The following NFX1 variants were observed in gnomAD, a reference collection of about 807,000 sequenced individuals.
NFX1 encodes transcriptional repressor NF-X1.
In NFX1, 69 loss-of-function variants were observed where a neutral mutation model predicts 137.2. The observed-to-expected ratio is 0.50, with a 90% CI of 0.41 to 0.61. NFX1 has a LOEUF of 0.61. Among genes scored for constraint, NFX1 ranks in the 20% least tolerant of loss-of-function variants. The pLI, the probability that NFX1 is intolerant of heterozygous loss-of-function variation, is 0.00. For missense variants in NFX1, 1,167 were observed against 1,391.0 expected (o/e 0.84, Z 2.56); for synonymous variants, 495 against 474.1 (o/e 1.04, Z -0.57).
intron 7 of NFX1, among the ~76,000 whole-genome samples, chr9:33,314,207 C>T (rs550439491): frequency 6.6e-6 from 1 of 151,970 alleles, no homozygotes; most frequent in Non-Finnish European, 1.5e-5. Context: ...TGGTCTTGAA[C>T]TCCTGACCTC....
At chr9:33,310,400 G>C (rs1287611491) in intron 5 of NFX1, among the ~76,000 whole-genome samples, 1 of 152,144 alleles carries the variant, frequency 6.6e-6, no homozygotes, top group Non-Finnish European at 1.5e-5. Flanking sequence ...CAAAGTGTCT[G>C]CTTTGAAGAG....
At chr9:33,369,299 G>A (rs749254397) in intron 23 of NFX1, among the ~76,000 whole-genome samples, 1 of 152,120 alleles carries the variant, frequency 6.6e-6, no homozygotes, top group Non-Finnish European at 1.5e-5. Flanking sequence ...TCCTGACCTC[G>A]TGATCCGTCC....
intron 7 of NFX1, 38 bp from the exon 8 acceptor site, chr9:33,318,693 T>C: frequency 6.4e-7 from 1 of 1,559,658 alleles, no homozygotes; most frequent in South Asian, 1.1e-5. Context: ...AACCCATACA[T>C]GTTACTAACG....
At chr9:33,368,646 T>G (rs1824238186) in intron 23 of NFX1, among the ~76,000 whole-genome samples, 1 of 152,166 alleles carries the variant, frequency 6.6e-6, no homozygotes. Flanking sequence ...GGCTAAAAGT[T>G]ACTTCAAAGC....
At chr9:33,368,771 G>A (rs1268233630) in intron 23 of NFX1, among the ~76,000 whole-genome samples, 1 of 152,206 alleles carries the variant, frequency 6.6e-6, no homozygotes, top group African/African-American at 2.4e-5. Flanking sequence ...CAGTTCACAA[G>A]GTCACCATGA....
rs1821784686 is a variant in NFX1, at chr9:33,307,203, A to G, written c.1280A>G (p.Lys427Arg). 1.2e-6 allele frequency: 2 copies of G among 1,614,104 alleles called. No individual in the cohort carries two copies. The highest frequency in any genetic ancestry group is 1.7e-5 in the Admixed American group (1 of 60,018). The change falls in exon 5 of 24, where the codon AAG becomes AGG. Residue 427 changes from lysine (K) to arginine (R), a missense_variant. Transcript: ENST00000379540. The part of the protein sequence containing the change: ...NTYTCFCGKV[K>R]NPEWSRNEIP... ...ATCTGATATGTTCTAGGCAAGGTAA[A>G]GAATCCTGAGTGGAGCAGAAATGAA...
intron 9 of NFX1, among the ~76,000 whole-genome samples, chr9:33,327,080 CAAAA>C (rs145308790): frequency 1.3e-5 from 2 of 152,004 alleles, no homozygotes; most frequent in East Asian, 3.9e-4. Context: ...ATTAGAATAA[CAAAA>C]AAGACATGAG....
intron 12 of NFX1, among the ~76,000 whole-genome samples, chr9:33,339,844 T>C (rs1440053918): frequency 6.6e-6 from 1 of 152,224 alleles, no homozygotes; most frequent in African/African-American, 2.4e-5. Context: ...ATCTTAAAGC[T>C]ACAAAATGCT....
intron 7 of NFX1, among the ~76,000 whole-genome samples, chr9:33,315,206 C>G (rs1050884934): frequency 7.2e-6 from 1 of 138,024 alleles, no homozygotes; most frequent in Non-Finnish European, 1.5e-5. Context: ...GCCTGGGCAA[C>G]AAGAGCGGAA....
intron 21 of NFX1, 50 bp downstream of exon 21, chr9:33,364,824 A>G (rs777295586): frequency 3.0e-4 from 234 of 772,444 alleles, no homozygotes; most frequent in Middle Eastern, 2.0e-3. Flanking sequence ...CAGCTTGATG[A>G]AAAAAAAAAA....
At chr9:33,358,837 T>G (rs1301814580) in intron 19 of NFX1, among the ~76,000 whole-genome samples, 2 of 151,432 alleles carry the variant, frequency 1.3e-5, no homozygotes, top group Non-Finnish European at 2.9e-5. Flanking sequence ...AATTTTTACA[T>G]TTTTTTGTAC....
Position 33,364,768 on chromosome 9 carries a change from G to A in NFX1, c.3033G>A (p.Val1011=). Residue 1011 remains valine (V), a synonymous_variant, in exon 21 of 24, where the codon GTG becomes GTA. Transcript: ENST00000379540. ...EKEMETLVEA[V]NKGKNSKKSH... is the part of the protein sequence containing the mutation. The stretch of plus-strand genomic sequence containing the variant: ...AAATGGAAACCCTCGTGGAGGCCGT[G>A]AATAAGGTTGAAGTCGAAACATCCC... 3.1e-6 allele frequency: 5 copies of A among 1,613,440 alleles called. No homozygotes were observed. The highest frequency in any genetic ancestry group is 4.2e-6 in the Non-Finnish European group (5 of 1,179,832).
At chr9:33,326,229 A>G (rs1008059214) in intron 9 of NFX1, among the ~76,000 whole-genome samples, 12 of 152,042 alleles carry the variant, frequency 7.9e-5, no homozygotes, top group African/African-American at 2.9e-4. Flanking sequence ...CCTGACCAAC[A>G]TGGTGAAACT....
chr9:33,329,331 G>T (rs1822714096), intron 10 of NFX1, among the ~76,000 whole-genome samples: 1 of 152,162 alleles, frequency 6.6e-6, no homozygotes, highest in Non-Finnish European at 1.5e-5. Flanking sequence ...ATAGTTGACT[G>T]CCCATGTGGC....
At chr9:33,326,780 T>G (rs1481233734) in intron 9 of NFX1, among the ~76,000 whole-genome samples, 1 of 152,210 alleles carries the variant, frequency 6.6e-6, no homozygotes, top group African/African-American at 2.4e-5. Context: ...CTTTAATAGA[T>G]ATAACATTAT....
At chr9:33,302,033 C>T (rs1821586341) in intron 3 of NFX1, among the ~76,000 whole-genome samples, 1 of 152,236 alleles carries the variant, frequency 6.6e-6, no homozygotes, top group South Asian at 2.1e-4. Flanking sequence ...GATTGCACCA[C>T]TGCCCTCCAG....
intron 13 of NFX1, among the ~76,000 whole-genome samples, chr9:33,343,103 A>C (rs12338573): frequency 0.046 from 7,056 of 152,174 alleles, 476 homozygotes; most frequent in African/African-American, 0.15. Flanking sequence ...TCTCTGCTAC[A>C]TGCCTCATAT....
At chr9:33,346,602 G>A (rs1020609312) in intron 14 of NFX1, among the ~76,000 whole-genome samples, 7 of 152,208 alleles carry the variant, frequency 4.6e-5, no homozygotes, top group Non-Finnish European at 7.3e-5. Flanking sequence ...TAGGAGGTGA[G>A]TTTTGATGAA....
chr9:33,306,223 G>A (rs1304025371), intron 4 of NFX1, among the ~76,000 whole-genome samples: 1 of 152,184 alleles, frequency 6.6e-6, no homozygotes. Context: ...GTAGAAAGAG[G>A]TGTCAGAGAT....
Sources: allele counts gnomAD v4.1 joint callset (sites outside exome capture counted in the v4.1 genomes callset), GRCh38; gene constraint gnomAD v4.1.1; transcripts MANE v1.5; gene names NCBI Gene and HGNC (gene_info 2026-07-23, HGNC 2026-07-21).